FIRRM: variants seen among roughly 807,000 people sequenced by gnomAD.
FIRRM encodes FIGNL1 interacting regulator of recombination and mitosis.
chr1:169,802,675 C>G, the FIRRM span: 1 of 1,613,356 alleles, frequency 6.2e-7, no homozygotes, highest in Non-Finnish European at 8.5e-7. Context: ...AGCCAGAGGA[C>G]TGTCAAGCCA....
chr1:169,795,499 T>G, the FIRRM span: 1 of 1,211,292 alleles, frequency 8.3e-7, no homozygotes, highest in South Asian at 2.5e-5. Flanking sequence ...CTTTCAGTTT[T>G]TCTGTACTCG....
chr1:169,794,449 T>C, the FIRRM span, among the ~76,000 whole-genome samples: 1 of 152,070 alleles, frequency 6.6e-6, no homozygotes, highest in Non-Finnish European at 1.5e-5. Context: ...CAATAATTAG[T>C]AAAGACTAAT....
At chr1:169,830,650 T>C in the FIRRM span, 4 of 1,566,260 alleles carry the variant, frequency 2.6e-6, no homozygotes, top group Non-Finnish European at 3.5e-6. Context: ...TCCTTATGTT[T>C]CTGAGTAATT....
chr1:169,803,144 G>T, the FIRRM span: 136,462 of 1,607,944 alleles, frequency 0.085, 6,312 homozygotes, highest in Middle Eastern at 0.096. Context: ...TATATTCTAA[G>T]TGAAATTTCC....
At chr1:169,806,324 G>A in the FIRRM span, among the ~76,000 whole-genome samples, 1 of 152,230 alleles carries the variant, frequency 6.6e-6, no homozygotes, top group Admixed American at 6.5e-5. Flanking sequence ...TAGTACTTCA[G>A]AAATAATGGG....
the FIRRM span, among the ~76,000 whole-genome samples, chr1:169,796,703 G>C: frequency 6.6e-6 from 1 of 152,118 alleles, no homozygotes; most frequent in East Asian, 1.9e-4. Flanking sequence ...CATAGATCTC[G>C]TCATTTCCCT....
the FIRRM span, among the ~76,000 whole-genome samples, chr1:169,790,237 G>A: frequency 6.6e-6 from 1 of 152,004 alleles, no homozygotes; most frequent in East Asian, 1.9e-4. Flanking sequence ...GAGGGCAATG[G>A]CGCGATCTCG....
the FIRRM span, among the ~76,000 whole-genome samples, chr1:169,810,952 C>T: frequency 4.1e-5 from 6 of 147,728 alleles, no homozygotes; most frequent in African/African-American, 1.0e-4. Context: ...CTCCGCTTCC[C>T]GGGTTCACGC....
the FIRRM span, among the ~76,000 whole-genome samples, chr1:169,826,401 C>G: frequency 7.3e-6 from 1 of 137,566 alleles, no homozygotes; most frequent in African/African-American, 2.8e-5. Flanking sequence ...TTCACTCTGC[C>G]GCCCAGGCTG....
chr1:169,843,378 GA>G, the FIRRM span, among the ~76,000 whole-genome samples: 1 of 152,190 alleles, frequency 6.6e-6, no homozygotes, highest in Non-Finnish European at 1.5e-5. Flanking sequence ...TTCAGTGATA[GA>G]CAAGTAATTA....
chr1:169,789,053 A>C, the FIRRM span, among the ~76,000 whole-genome samples: 2 of 152,226 alleles, frequency 1.3e-5, no homozygotes, highest in African/African-American at 4.8e-5. Context: ...GCAGTAGAGG[A>C]GTCTTACAAA....
At chr1:169,793,917 AAAAAG>A in the FIRRM span, 1 of 399,454 alleles carries the variant, frequency 2.5e-6, no homozygotes, top group Non-Finnish European at 4.4e-6. Context: ...AAAAAAAAAA[AAAAAG>A]AAAGAAAATG....
the FIRRM span, among the ~76,000 whole-genome samples, chr1:169,821,093 TAAA>T: frequency 2.0e-5 from 3 of 152,194 alleles, no homozygotes; most frequent in African/African-American, 7.2e-5. Context: ...CCACCAATGG[TAAA>T]AGAAAGTGCT....
the FIRRM span, among the ~76,000 whole-genome samples, chr1:169,798,237 T>C: frequency 2.0e-5 from 3 of 151,506 alleles, no homozygotes; most frequent in East Asian, 5.8e-4. Context: ...GGTGTGATCA[T>C]GTCACCGCAC....
the FIRRM span, chr1:169,795,239 A>C: frequency 6.5e-7 from 1 of 1,531,756 alleles, no homozygotes; most frequent in Non-Finnish European, 8.7e-7. Flanking sequence ...TGTCACTTCT[A>C]CCTAGAGAAG....
the FIRRM span, among the ~76,000 whole-genome samples, chr1:169,815,307 A>AG: frequency 6.6e-6 from 1 of 151,822 alleles, no homozygotes; most frequent in Non-Finnish European, 1.5e-5. Flanking sequence ...AAAAAAAAAA[A>AG]AAGAAAAGAA....
At chr1:169,810,857 T>A in the FIRRM span, among the ~76,000 whole-genome samples, 2 of 109,482 alleles carry the variant, frequency 1.8e-5, no homozygotes, top group Non-Finnish European at 3.7e-5. Context: ...TTTTTTTTTT[T>A]TTTTTTTTTT....
chr1:169,831,285 T>C, the FIRRM span, among the ~76,000 whole-genome samples: 4 of 152,256 alleles, frequency 2.6e-5, no homozygotes, highest in African/African-American at 9.6e-5. Context: ...TTTTTGCTTT[T>C]AAATTCTGAG....
the FIRRM span, chr1:169,836,816 A>G: frequency 1.4e-6 from 1 of 709,076 alleles, no homozygotes; most frequent in East Asian, 2.8e-5. Context: ...TTACCGTACC[A>G]TTATAAAGCT....
Sources: gnomAD v4.1 joint callset for allele counts (sites outside exome capture counted in the v4.1 genomes callset) on GRCh38, gnomAD v4.1.1 for gene constraint, MANE v1.5 for transcripts, NCBI Gene and HGNC (gene_info 2026-07-23, HGNC 2026-07-21) for gene names.